MBNL2: variants seen among roughly 807,000 people sequenced by gnomAD.
The protein encoded by MBNL2 is muscleblind like splicing regulator 2.
A neutral mutation model predicts 41.9 loss-of-function variants in MBNL2; 17 were observed. The observed-to-expected ratio is 0.41, with a 90% CI of 0.28 to 0.61. MBNL2 has a LOEUF of 0.61. Ranked by LOEUF, MBNL2 falls within the 20% of genes least tolerant of loss-of-function variation. MBNL2 has a pLI of 0.35. For missense variants in MBNL2, 336 were observed against 505.6 expected, an observed-to-expected ratio of 0.66 and a Z score of 3.22; for synonymous variants, 195 against 182.9, an observed-to-expected ratio of 1.07 and a Z score of -0.53.
upstream of MBNL2, among the ~76,000 whole-genome samples, chr13:97,218,440 C>CAAAACAAAAAAAAAAA (rs55815508): frequency 8.5e-6 from 1 of 117,964 alleles, no homozygotes; most frequent in African/African-American, 3.4e-5. Flanking sequence ...CAAAACAAAA[C>CAAAACAAAAAAAAAAA]AAAAAAAAAA....
chr13:97,283,035 A>G (rs1327433274), intron 2 of MBNL2, among the ~76,000 whole-genome samples: 2 of 152,056 alleles, frequency 1.3e-5, no homozygotes, highest in Non-Finnish European at 1.5e-5. Context: ...TTCCTTTAAC[A>G]TCTCCGTTTC....
chr13:97,176,471 G>A, the MBNL2 span, among the ~76,000 whole-genome samples: 10 of 152,184 alleles, frequency 6.6e-5, no homozygotes, highest in South Asian at 2.1e-3. Context: ...GATGGTAGAG[G>A]GAGGCATAAA....
At chr13:97,172,951 C>T in the MBNL2 span, 1 of 152,056 alleles carries the variant, frequency 6.6e-6, no homozygotes, top group Admixed American at 6.6e-5. Context: ...AGTTGCATGA[C>T]CATGACATCT....
At chr13:97,336,209 A>G (rs146541489) in intron 3 of MBNL2, among the ~76,000 whole-genome samples, 2 of 152,378 alleles carry the variant, frequency 1.3e-5, no homozygotes, top group African/African-American at 4.8e-5. Flanking sequence ...TGAAAAATGA[A>G]TATTACACTT....
At chr13:97,351,352 G>A (rs1235949019) in intron 5 of MBNL2, among the ~76,000 whole-genome samples, 2 of 152,190 alleles carry the variant, frequency 1.3e-5, no homozygotes, top group Non-Finnish European at 2.9e-5. Context: ...AATGGTAAAT[G>A]AGCATTGGCT....
intron 7 of MBNL2, among the ~76,000 whole-genome samples, chr13:97,357,978 A>C (rs935297645): frequency 6.6e-5 from 10 of 152,208 alleles, no homozygotes; most frequent in Non-Finnish European, 1.3e-4. Flanking sequence ...TTAACTCTGA[A>C]TGACCTAAAA....
chr13:97,142,926 G>A, the MBNL2 span, among the ~76,000 whole-genome samples: 4 of 152,138 alleles, frequency 2.6e-5, no homozygotes, highest in Non-Finnish European at 4.4e-5. Context: ...AAATGAGAAG[G>A]TAGCAGGTCT....
At chr13:97,293,760 T>G (rs1262699375) in intron 2 of MBNL2, among the ~76,000 whole-genome samples, 1 of 152,216 alleles carries the variant, frequency 6.6e-6, no homozygotes, top group Non-Finnish European at 1.5e-5. Flanking sequence ...CAATATGCAA[T>G]TAACCTTTTT....
At chr13:97,390,856 AATAG>A (rs1023261760) in intron 8 of MBNL2, among the ~76,000 whole-genome samples, 1 of 152,188 alleles carries the variant, frequency 6.6e-6, no homozygotes, top group South Asian at 2.1e-4. Context: ...AATGCAAGTT[AATAG>A]ATAAATAATA....
At chr13:97,177,225 G>C in the MBNL2 span, among the ~76,000 whole-genome samples, 2 of 152,126 alleles carry the variant, frequency 1.3e-5, no homozygotes. Flanking sequence ...TGTAGTCCCA[G>C]CTACTCAGGA....
At chr13:97,349,855 T>G (rs1252175249) in intron 5 of MBNL2, among the ~76,000 whole-genome samples, 2 of 152,176 alleles carry the variant, frequency 1.3e-5, no homozygotes, top group Non-Finnish European at 2.9e-5. Flanking sequence ...GCTTTGGACC[T>G]CTATAGGGAT....
chr13:97,321,612 C>T (rs990143677), intron 2 of MBNL2, among the ~76,000 whole-genome samples: 9 of 152,174 alleles, frequency 5.9e-5, no homozygotes, highest in Non-Finnish European at 1.0e-4. Context: ...TTGACTTTAA[C>T]AACATGACCT....
At chr13:97,316,057 C>T (rs1315423023) in intron 2 of MBNL2, among the ~76,000 whole-genome samples, 1 of 152,162 alleles carries the variant, frequency 6.6e-6, no homozygotes, top group Non-Finnish European at 1.5e-5. Flanking sequence ...GCCTGCTTGG[C>T]ACCTCTCTTT....
chr13:97,365,783 G>A (rs561175380), intron 8 of MBNL2, among the ~76,000 whole-genome samples: 1 of 152,252 alleles, frequency 6.6e-6, no homozygotes, highest in East Asian at 1.9e-4. Flanking sequence ...ACAAACGTCT[G>A]TCTTTAGGAC....
intron 2 of MBNL2, among the ~76,000 whole-genome samples, chr13:97,292,568 A>G (rs1026292215): frequency 2.0e-5 from 3 of 152,096 alleles, no homozygotes; most frequent in African/African-American, 7.2e-5. Context: ...GTTTTTTAGA[A>G]TTATTTTTTA....
intron 5 of MBNL2, among the ~76,000 whole-genome samples, chr13:97,347,973 A>G (rs557759243): frequency 1.3e-5 from 2 of 152,036 alleles, no homozygotes; most frequent in Non-Finnish European, 2.9e-5. Context: ...AAACTTGGCT[A>G]CATTTTGGAA....
the MBNL2 span, among the ~76,000 whole-genome samples, chr13:97,183,592 C>A: frequency 2.0e-5 from 3 of 152,196 alleles, no homozygotes; most frequent in Non-Finnish European, 4.4e-5. Flanking sequence ...TAGTGGCCAG[C>A]ACCTGGTGTT....
intron 2 of MBNL2, among the ~76,000 whole-genome samples, chr13:97,287,114 G>A (rs1566392608): frequency 6.6e-6 from 1 of 152,116 alleles, no homozygotes; most frequent in Non-Finnish European, 1.5e-5. Context: ...AGTGCTACAG[G>A]CTTTGTACAA....
chr13:97,142,462 T>C, the MBNL2 span, among the ~76,000 whole-genome samples: 1 of 152,264 alleles, frequency 6.6e-6, no homozygotes, highest in East Asian at 1.9e-4. Flanking sequence ...TTGGAACTAC[T>C]GTGAAAACTC....
Sources: allele counts gnomAD v4.1 joint callset (sites outside exome capture counted in the v4.1 genomes callset), GRCh38; gene constraint gnomAD v4.1.1; transcripts MANE v1.5; gene names NCBI Gene and HGNC (gene_info 2026-07-23, HGNC 2026-07-21).